Variants in CDIN1 observed in about 807,000 individuals in gnomAD.
CDIN1 encodes the protein CDAN1-interacting nuclease 1.
A neutral mutation model predicts 45.3 loss-of-function variants in CDIN1; 33 were observed. The observed-to-expected ratio is 0.73, with a 90% CI of 0.55 to 0.97. The LOEUF (loss-of-function observed/expected upper bound fraction) is 0.97, where lower values mean the gene tolerates loss of function less well. Ranked by LOEUF, CDIN1 falls within the 50% of genes least tolerant of loss-of-function variation. CDIN1 has a pLI of 0.00. For synonymous variants in CDIN1, 118 were observed against 124.4 expected, an observed-to-expected ratio of 0.95 and a Z score of 0.34; for missense variants, 303 against 339.4, an observed-to-expected ratio of 0.89 and a Z score of 0.84.
intron 3 of CDIN1, among the ~76,000 whole-genome samples, chr15:36,649,231 G>A (rs1484653782): frequency 1.3e-5 from 2 of 152,088 alleles, no homozygotes; most frequent in African/African-American, 4.8e-5. Context: ...CTGGTATAAT[G>A]GTTTGCTTCT....
In CDIN1 at chr15:36,611,256, A is replaced by G. The variant is rs113755772; in HGVS notation, c.101+31295A>G. Among the ~76,000 whole-genome samples the G allele has an allele frequency of 4.7e-3, 715 of 152,302 alleles. 6 individuals carry two copies. Among genetic ancestry groups the G allele is most frequent in the African/African-American group, 0.016 (665 of 41,568 alleles). ...TAGGGAGTCCTTTAGTTCTGAGAAT[A>G]ACTGTGTTTTCTACTTACCAGAAGC... On this transcript the variant is annotated intron_variant, in intron 1 of 10. Transcript: ENST00000566621.
Position 36,732,368 on chromosome 15 carries a change from C to T in CDIN1, c.716+22407C>T, listed in dbSNP as rs1027464255. On this transcript the variant is annotated intron_variant, in intron 10 of 10. Coordinates refer to ENST00000566621, the MANE Select transcript of CDIN1 (RefSeq NM_001321759.2). ...AATGCAGTTGATCCTGTTTGTTGCA[C>T]CTTGATTCCATCAGACTACAAAAAA... Among the ~76,000 whole-genome samples, 3 of 150,492 alleles carry T rather than the reference C, an allele frequency of 2.0e-5. 1 individual carries two copies. The highest frequency in any genetic ancestry group is 4.2e-4 in the South Asian group (2 of 4,766).
At chr15:36,778,925 A>G (rs2054284574) in intron 10 of CDIN1, among the ~76,000 whole-genome samples, 1 of 152,256 alleles carries the variant, frequency 6.6e-6, no homozygotes, top group South Asian at 2.1e-4. Flanking sequence ...CACTTGAGGA[A>G]TTCAGGTAAA....
intron 8 of CDIN1, among the ~76,000 whole-genome samples, chr15:36,703,733 G>A (rs147476908): frequency 0.021 from 3,247 of 152,192 alleles, 119 homozygotes; most frequent in African/African-American, 0.075. Context: ...GTGCACATCT[G>A]TCTGTGTAGG....
intron 5 of CDIN1, among the ~76,000 whole-genome samples, chr15:36,685,828 A>G (rs2042021882): frequency 6.6e-6 from 1 of 152,252 alleles, no homozygotes; most frequent in Non-Finnish European, 1.5e-5. Context: ...ATCACTGGCC[A>G]TCAGAGAAAT....
chr15:36,741,580 C>T (rs1013209498), intron 10 of CDIN1, among the ~76,000 whole-genome samples: 4 of 150,982 alleles, frequency 2.6e-5, no homozygotes, highest in Admixed American at 6.6e-5. Context: ...GCTTACAGGA[C>T]GGAAATTTAT....
chr15:36,607,852 G>A (rs2038453200), intron 1 of CDIN1, among the ~76,000 whole-genome samples: 1 of 152,004 alleles, frequency 6.6e-6, no homozygotes, highest in South Asian at 2.1e-4. Flanking sequence ...TACCCATCAG[G>A]CATGGCTCCC....
At chr15:36,606,126 C>T (rs898091743) in intron 1 of CDIN1, among the ~76,000 whole-genome samples, 2 of 151,894 alleles carry the variant, frequency 1.3e-5, no homozygotes, top group Non-Finnish European at 2.9e-5. Context: ...CAGTAGATAA[C>T]CTTGATGCTG....
At chr15:36,709,022 G>C (rs2042962868) in intron 8 of CDIN1, 3 of 401,852 alleles carry the variant, frequency 7.5e-6, no homozygotes, top group South Asian at 1.7e-4. Context: ...GAAAAATAAT[G>C]AAAGAAGCAT....
chr15:36,734,686 A>C (rs1378362734), intron 10 of CDIN1, among the ~76,000 whole-genome samples: 4 of 152,194 alleles, frequency 2.6e-5, no homozygotes, highest in Admixed American at 6.5e-5. Flanking sequence ...ATTCATGTTT[A>C]AATTGTCTTT....
intron 10 of CDIN1, among the ~76,000 whole-genome samples, chr15:36,805,032 T>G (rs1300690108): frequency 9.9e-5 from 15 of 152,094 alleles, no homozygotes; most frequent in Admixed American, 9.8e-4. Context: ...AACCTCATCT[T>G]TCTTGCCTTC....
intron 5 of CDIN1, chr15:36,668,994 GATTA>G (rs2041350655): frequency 6.6e-6 from 1 of 152,052 alleles, no homozygotes; most frequent in African/African-American, 2.4e-5. Flanking sequence ...CCATATGAAG[GATTA>G]ATTTCCCTTC....
intron 10 of CDIN1, among the ~76,000 whole-genome samples, chr15:36,778,032 T>C (rs1407232680): frequency 6.6e-6 from 1 of 152,206 alleles, no homozygotes; most frequent in Non-Finnish European, 1.5e-5. Context: ...GATTTTAGGA[T>C]GTTTCTCCCC....
chr15:36,640,822 C>T (rs1039400027), intron 1 of CDIN1, among the ~76,000 whole-genome samples: 1 of 152,136 alleles, frequency 6.6e-6, no homozygotes, highest in Admixed American at 6.6e-5. Flanking sequence ...GCTGGGTGGA[C>T]TTGGGAGCAC....
rs1325377038 is a variant in CDIN1, at chr15:36,809,787, A to T, written c.*1334A>T. 6.6e-5 allele frequency: 10 copies of T among 152,222 alleles called. No homozygotes were observed. The highest frequency in any genetic ancestry group is 1.3e-4 in the Non-Finnish European group (9 of 68,034). The allele number at this position is 152,222 out of a possible 1,614,324, so 9.4% of individuals were successfully genotyped here. On this transcript the variant is annotated 3_prime_UTR_variant, in exon 11 of 11. Coordinates refer to ENST00000566621, the MANE Select transcript of CDIN1 (RefSeq NM_001321759.2). Reference sequence around the variant, plus strand: ...TTTCAAAAGACTAAATATGTCATTTATACTTTGTTTATTTTCTACCAAAGA... The same window carrying T: ...TTTCAAAAGACTAAATATGTCATTTTTACTTTGTTTATTTTCTACCAAAGA...
chr15:36,631,821 T>G lies in CDIN1; in HGVS notation c.102-12457T>G, dbSNP rs79123081. Among the ~76,000 whole-genome samples the G allele has an allele frequency of 3.8e-3, 582 of 152,302 alleles. 5 individuals carry two copies. The highest frequency in any genetic ancestry group is 0.013 in the African/African-American group (557 of 41,564). ...ATAACTGTGTTTTTTAAAAATTTATTTATGTATATTTATTATTCATATTAT... is the reference window on the plus strand; with the variant it reads ...ATAACTGTGTTTTTTAAAAATTTATGTATGTATATTTATTATTCATATTAT... On this transcript the variant is annotated intron_variant, in intron 1 of 10. Transcript: ENST00000566621.
At chr15:36,749,008 G>T (rs74008764) in intron 10 of CDIN1, among the ~76,000 whole-genome samples, 1 of 152,108 alleles carries the variant, frequency 6.6e-6, no homozygotes, top group Non-Finnish European at 1.5e-5. Flanking sequence ...AGACGGCCAC[G>T]TGATTTTCTT....
At chr15:36,752,619 CTG>C (rs1566950675) in intron 10 of CDIN1, among the ~76,000 whole-genome samples, 2 of 152,184 alleles carry the variant, frequency 1.3e-5, no homozygotes, top group Admixed American at 6.5e-5. Context: ...TCTTTCAGAA[CTG>C]TGTGACTGAA....
intron 1 of CDIN1, among the ~76,000 whole-genome samples, chr15:36,638,982 C>T (rs1362782705): frequency 6.6e-6 from 1 of 152,188 alleles, no homozygotes; most frequent in Non-Finnish European, 1.5e-5. Flanking sequence ...GTCTACTGTT[C>T]TTCTAGCTGT....
Sources: gnomAD v4.1 joint callset for allele counts (sites outside exome capture counted in the v4.1 genomes callset) on GRCh38, gnomAD v4.1.1 for gene constraint, MANE v1.5 for transcripts, NCBI Gene and HGNC (gene_info 2026-07-23, HGNC 2026-07-21) for gene names.